Variants in GAS2L3 observed in about 807,000 individuals in gnomAD.
GAS2L3 encodes GAS2-like protein 3.
Under a neutral mutation model 37.0 loss-of-function variants are expected in GAS2L3, and 28 were observed. That is an observed-to-expected ratio of 0.76 (90% CI 0.56 to 1.04). The LOEUF (loss-of-function observed/expected upper bound fraction) is 1.04, where lower values mean the gene tolerates loss of function less well. Among genes scored for constraint, GAS2L3 ranks in the 50% least tolerant of loss-of-function variants. The pLI is 0.00. For synonymous variants in GAS2L3, 290 were observed against 296.6 expected, an observed-to-expected ratio of 0.98 and a Z score of 0.23; for missense variants, 793 against 817.6, an observed-to-expected ratio of 0.97 and a Z score of 0.37.
intron 1 of GAS2L3, chr12:100,579,938 C>G (rs1955688904): frequency 1.3e-6 from 1 of 777,450 alleles, no homozygotes; most frequent in Admixed American, 1.7e-5. Flanking sequence ...AAGCGTATGA[C>G]CAAGTATCAG....
Position 100,623,661 on chromosome 12 carries a change from G to C in GAS2L3, c.856G>C (p.Ala286Pro). Residue 286 changes from alanine (A) to proline (P), a missense_variant, in exon 10 of 10, where the codon GCC (alanine) becomes CCC (proline). Coordinates refer to ENST00000547754, the MANE Select transcript of GAS2L3 (RefSeq NM_174942.3). ...TGACCCCTGTCGAATATTACAGTTT[G>C]CCACATTAGAACAAAAAATTTTAGC... ...KYDPCRILQF[A>P]TLEQKILAFQ... 6.2e-7 allele frequency: 1 copy of C among 1,613,902 alleles called. No individual in the cohort carries two copies. The highest frequency in any genetic ancestry group is 8.5e-7 in the Non-Finnish European group (1 of 1,179,884).
chr12:100,606,516 T>A (rs1332672957), intron 5 of GAS2L3, among the ~76,000 whole-genome samples: 2 of 152,106 alleles, frequency 1.3e-5, no homozygotes, highest in Non-Finnish European at 2.9e-5. Flanking sequence ...AAATAAGGAC[T>A]TATTCCTGCC....
At position 100,626,639 on chromosome 12, in the gene GAS2L3, A is replaced by C. The variant is rs921830659; in HGVS notation, c.*1749A>C. On this transcript the variant is annotated 3_prime_UTR_variant, in exon 10 of 10. Coordinates refer to ENST00000547754, the MANE Select transcript of GAS2L3 (RefSeq NM_174942.3). ...CACTTCTTTATCAGTAACTTTTAGA[A>C]CTTAAAAGAAAGCAAAAAGTAAATG... is the stretch of plus-strand genomic sequence containing the variant. 6.6e-6 allele frequency: 1 copy of C among 152,230 alleles called. No individual in the cohort carries two copies. Among genetic ancestry groups the C allele is most frequent in the African/African-American group, 2.4e-5 (1 of 41,460 alleles). The allele number at this position is 152,230 out of a possible 1,614,324, so 9.4% of individuals were successfully genotyped here.
At chr12:100,586,460 A>G (rs1462254417) in intron 1 of GAS2L3, among the ~76,000 whole-genome samples, 1 of 152,212 alleles carries the variant, frequency 6.6e-6, no homozygotes, top group East Asian at 1.9e-4. Context: ...TGGAAACTCA[A>G]TAGCCTGCTC....
At chr12:100,622,205 A>G in intron 8 of GAS2L3, 70 bp from the exon 9 acceptor site, 1 of 804,584 alleles carries the variant, frequency 1.2e-6, no homozygotes, top group East Asian at 2.6e-5. Flanking sequence ...CTTAGCTATC[A>G]AATAATATTA....
rs1196925015 is a variant in GAS2L3, at chr12:100,626,335, AC to A, written c.*1447del. On this transcript the variant is annotated 3_prime_UTR_variant, in exon 10 of 10. Transcript: ENST00000547754. ...AGAAAACTTTCTATGAAGATAAATG[AC>A]CTTTTGCCTGAAGAGTACAGATAAA... 6.6e-6 allele frequency: 1 copy of A among 152,216 alleles called. No homozygotes were observed. Among genetic ancestry groups the A allele is most frequent in the Admixed American group, 6.5e-5 (1 of 15,278 alleles). The allele number at this position is 152,216 out of a possible 1,614,324, so 9.4% of individuals were successfully genotyped here.
At chr12:100,586,344 C>T (rs1201882854) in intron 1 of GAS2L3, among the ~76,000 whole-genome samples, 4 of 152,172 alleles carry the variant, frequency 2.6e-5, no homozygotes, top group African/African-American at 9.7e-5. Context: ...AAACGAGCCT[C>T]AGTAAATTTA....
rs894720959 is a variant in GAS2L3 at position 100,585,191 on chromosome 12, G to T, written c.-151-6545G>T. ...TGGGATTACAGGTGTGAGCCACTGT[G>T]CCTGGTCCTACTTGAATGTTTTTAA... On this transcript the variant is annotated intron_variant, in intron 1 of 9. Transcript: ENST00000547754. 4.0e-5 allele frequency among the ~76,000 whole-genome samples: 6 copies of T among 148,180 alleles called. No individual in the cohort carries two copies. The East Asian group carries it at 1.0e-3, about 25-fold the overall frequency.
chr12:100,615,417 T>C (rs761271201), intron 6 of GAS2L3, among the ~76,000 whole-genome samples: 28 of 152,172 alleles, frequency 1.8e-4, no homozygotes, highest in Non-Finnish European at 2.4e-4. Context: ...TAGATAAGAT[T>C]TGCAAATATT....
intron 1 of GAS2L3, among the ~76,000 whole-genome samples, chr12:100,587,956 G>A (rs1955801100): frequency 1.3e-5 from 2 of 152,142 alleles, no homozygotes; most frequent in South Asian, 4.1e-4. Flanking sequence ...GGAGGCTGAG[G>A]CAGGAGAATG....
intron 3 of GAS2L3, among the ~76,000 whole-genome samples, chr12:100,599,184 A>G (rs568803240): frequency 1.3e-5 from 2 of 152,300 alleles, no homozygotes; most frequent in South Asian, 4.1e-4. Flanking sequence ...TAAGTTGTTC[A>G]GTAAGGAGAA....
intron 1 of GAS2L3, chr12:100,578,805 G>T: frequency 1.6e-6 from 1 of 638,282 alleles, no homozygotes. Context: ...TCTCAGGTTA[G>T]CCCTGGAAGT....
chr12:100,611,946 T>A (rs1956131770), intron 5 of GAS2L3, 54 bp from the exon 6 acceptor site: 4 of 1,223,436 alleles, frequency 3.3e-6, no homozygotes, highest in African/African-American at 3.0e-5. Flanking sequence ...AAAATGAATG[T>A]TTAATGAAAG....
intron 5 of GAS2L3, among the ~76,000 whole-genome samples, chr12:100,610,232 G>A (rs1956109414): frequency 6.6e-6 from 1 of 152,184 alleles, no homozygotes; most frequent in Non-Finnish European, 1.5e-5. Flanking sequence ...CAACCTAAAT[G>A]TTTATCAACA....
chr12:100,624,056 T>C lies in GAS2L3; in HGVS notation c.1251T>C (p.Ser417=). The C allele has an allele frequency of 1.2e-6, 2 of 1,614,030 alleles. No individual in the cohort carries two copies. Among genetic ancestry groups the C allele is most frequent in the Non-Finnish European group, 1.7e-6 (2 of 1,180,010 alleles). The stretch of plus-strand genomic sequence containing the variant: ...TAAATCCAGTAGGTAAAAACACTTC[T>C]TCACCAGCTTTACCAAGAACTGCAC... The part of the protein sequence containing the change: ...ASLNPVGKNT[S]SPALPRTAPC... The change falls in exon 10 of 10, where the codon TCT becomes TCC. Residue 417 remains serine, a synonymous_variant. Transcript: ENST00000547754.
intron 1 of GAS2L3, among the ~76,000 whole-genome samples, chr12:100,585,376 C>T (rs1390697796): frequency 6.6e-6 from 1 of 151,988 alleles, no homozygotes; most frequent in South Asian, 2.1e-4. Flanking sequence ...CTGCCTCAGC[C>T]TCCCAAGTAG....
rs748086784 is a variant in GAS2L3, at chr12:100,624,896, TACTC to T, written c.*8_*11del. 6.6e-7 allele frequency: 1 copy of T among 1,525,590 alleles called. No homozygotes were observed. The highest frequency in any genetic ancestry group is 1.2e-5 in the South Asian group (1 of 82,810). The allele number at this position is 1,525,590 out of a possible 1,614,324, so 94.5% of individuals were successfully genotyped here. On this transcript the variant is annotated 3_prime_UTR_variant, in exon 10 of 10. Transcript: ENST00000547754. Reference sequence around the variant, plus strand: ...GTAAGAAACCTAGAAAATAAATACATACTCATTATAAAAAAAGAGAAAAGGAAGA... The same window carrying T: ...GTAAGAAACCTAGAAAATAAATACATATTATAAAAAAAGAGAAAAGGAAGA...
intron 8 of GAS2L3, among the ~76,000 whole-genome samples, chr12:100,621,882 G>GAGAGAGAGAGAGAGAGAGAGAGAGAGA: frequency 2.5e-5 from 2 of 81,298 alleles, no homozygotes; most frequent in East Asian, 8.8e-4. Context: ...GGTGGGGGGG[G>GAGAGAGAGAGAGAGAGAGAGAGAGAGA]GAGAGAGAGA....
rs764022350 is a variant in GAS2L3 at position 100,623,689 on chromosome 12, T to C, written c.884T>C (p.Phe295Ser). The change falls in exon 10 of 10, where the codon TTT becomes TCT. Residue 295 changes from phenylalanine to serine, a missense_variant. Physicochemically the swap from Phe to Ser is radical, Grantham distance 155. Coordinates refer to ENST00000547754, the MANE Select transcript of GAS2L3 (RefSeq NM_174942.3). ...ACATTAGAACAAAAAATTTTAGCAT[T>C]TCAAAAAGGAGTTTCTAATGAAAGT... ...FATLEQKILA[F>S]QKGVSNESVP... 1.2e-6 allele frequency: 2 copies of C among 1,613,990 alleles called. No individual in the cohort carries two copies. The highest frequency in any genetic ancestry group is 2.2e-5 in the South Asian group (2 of 91,066).
Sources: gnomAD v4.1 joint callset for allele counts (sites outside exome capture counted in the v4.1 genomes callset) on GRCh38, gnomAD v4.1.1 for gene constraint, MANE v1.5 for transcripts, NCBI Gene and HGNC (gene_info 2026-07-23, HGNC 2026-07-21) for gene names.